The following STK33 variants were observed in gnomAD, a reference collection of about 807,000 sequenced individuals.
STK33 encodes serine/threonine-protein kinase 33.
Under a neutral mutation model 58.0 loss-of-function variants are expected in STK33, and 52 were observed. The ratio of observed to expected loss-of-function variants is 0.90; its 90% CI spans 0.72 to 1.13. The LOEUF (loss-of-function observed/expected upper bound fraction) is 1.13. Among genes scored for constraint, STK33 ranks in the 50% most tolerant of loss-of-function variants. STK33 has a pLI of 0.00. For missense variants in STK33, 630 were observed against 604.2 expected (o/e 1.04, Z -0.45); for synonymous variants, 215 against 200.1 (o/e 1.07, Z -0.63).
the STK33 span, among the ~76,000 whole-genome samples, chr11:8,369,295 CTGTGTGTGTGTG>C: frequency 5.6e-3 from 765 of 137,744 alleles, 2 homozygotes; most frequent in African/African-American, 0.011. Flanking sequence ...GGTTTTTACT[CTGTGTGTGTGTG>C]TGTGTGTGTG....
intron 10 of STK33, 126 bp from the exon 11 acceptor site, chr11:8,453,032 T>C (rs1946470946): frequency 1.3e-6 from 1 of 797,578 alleles, no homozygotes; most frequent in African/African-American, 1.7e-5. Context: ...GGACTTTAAT[T>C]GAATCATTAA....
chr11:8,587,540 G>A (rs111626881), intron 1 of STK33, among the ~76,000 whole-genome samples: 32 of 150,140 alleles, frequency 2.1e-4, no homozygotes, highest in African/African-American at 7.1e-4. Flanking sequence ...AACAAGCCAC[G>A]GCTCAACTGG....
chr11:8,343,002 G>A, the STK33 span, among the ~76,000 whole-genome samples: 1 of 152,232 alleles, frequency 6.6e-6, no homozygotes, highest in Non-Finnish European at 1.5e-5. Flanking sequence ...GCAGGCATTT[G>A]CATCCACTGA....
At chr11:8,387,583 G>A (rs1370182314), downstream of STK33, among the ~76,000 whole-genome samples, 1 of 152,204 alleles carries the variant, frequency 6.6e-6, no homozygotes, top group African/African-American at 2.4e-5. Flanking sequence ...CTCTGTAACT[G>A]TTGCTGCTGT....
At chr11:8,489,272 G>GAAAAAAAAAAAAAAAAAAAAAAAAAAAA (rs60919146) in intron 1 of STK33, among the ~76,000 whole-genome samples, 4 of 126,566 alleles carry the variant, frequency 3.2e-5, no homozygotes, top group Admixed American at 8.6e-5. Flanking sequence ...AAAAAAAAAA[G>GAAAAAAAAAAAAAAAAAAAAAAAAAAAA]AAAAAAAAAA....
At chr11:8,523,764 C>G (rs913882108) in intron 1 of STK33, among the ~76,000 whole-genome samples, 1 of 151,796 alleles carries the variant, frequency 6.6e-6, no homozygotes, top group Non-Finnish European at 1.5e-5. Flanking sequence ...GCCCGGCCGC[C>G]GCGTCTGGGA....
chr11:8,549,116 T>C (rs1956136781), intron 1 of STK33, among the ~76,000 whole-genome samples: 1 of 152,208 alleles, frequency 6.6e-6, no homozygotes, highest in African/African-American at 2.4e-5. Flanking sequence ...TTTGGTCATA[T>C]ATGGTCTTTA....
At chr11:8,454,971 T>C (rs1023537743) in intron 9 of STK33, 139 bp from the exon 10 acceptor site, 13 of 862,306 alleles carry the variant, frequency 1.5e-5, no homozygotes, top group Middle Eastern at 3.9e-4. Flanking sequence ...TCCTGTTCTA[T>C]TCTCTCATTT....
At chr11:8,471,502 G>C (rs547296355) in intron 6 of STK33, among the ~76,000 whole-genome samples, 1 of 152,156 alleles carries the variant, frequency 6.6e-6, no homozygotes, top group South Asian at 2.1e-4. Flanking sequence ...ATGTGTGTGT[G>C]AGGAGGTGCT....
At chr11:8,422,028 C>G (rs1221717806) in intron 14 of STK33, among the ~76,000 whole-genome samples, 1 of 152,018 alleles carries the variant, frequency 6.6e-6, no homozygotes, top group Non-Finnish European at 1.5e-5. Flanking sequence ...CTTCAGTTGA[C>G]TAAGATCAGC....
At chr11:8,490,762 G>A (rs994234565) in intron 1 of STK33, among the ~76,000 whole-genome samples, 1 of 152,158 alleles carries the variant, frequency 6.6e-6, no homozygotes, top group African/African-American at 2.4e-5. Context: ...AATCTTTGTT[G>A]TTCTGCAGCC....
At chr11:8,524,619 G>A (rs1297622645) in intron 1 of STK33, among the ~76,000 whole-genome samples, 1 of 152,034 alleles carries the variant, frequency 6.6e-6, no homozygotes, top group Non-Finnish European at 1.5e-5. Context: ...TTTTTATTCA[G>A]AAGTTTGATA....
At chr11:8,529,496 T>A (rs1333901574) in intron 1 of STK33, among the ~76,000 whole-genome samples, 1 of 152,104 alleles carries the variant, frequency 6.6e-6, no homozygotes, top group Non-Finnish European at 1.5e-5. Flanking sequence ...CTGGTAGACA[T>A]AATAATGCCT....
intron 14 of STK33, among the ~76,000 whole-genome samples, chr11:8,420,789 G>C (rs781298106): frequency 1.3e-5 from 2 of 152,240 alleles, no homozygotes; most frequent in East Asian, 3.9e-4. Context: ...TTGAGCTCAG[G>C]AGTTCGAGAC....
chr11:8,396,361 G>C (rs558095695), intron 15 of STK33, among the ~76,000 whole-genome samples: 2 of 152,200 alleles, frequency 1.3e-5, no homozygotes, highest in Non-Finnish European at 2.9e-5. Context: ...ATATGGGTTT[G>C]TCTTGTAAAA....
chr11:8,579,294 G>A (rs916660160), intron 1 of STK33, among the ~76,000 whole-genome samples: 4 of 151,934 alleles, frequency 2.6e-5, no homozygotes, highest in Admixed American at 2.6e-4. Flanking sequence ...CTATATATAG[G>A]CATATCTACA....
At chr11:8,491,364 T>C (rs1950596369) in intron 1 of STK33, among the ~76,000 whole-genome samples, 2 of 152,018 alleles carry the variant, frequency 1.3e-5, no homozygotes, top group African/African-American at 4.8e-5. Flanking sequence ...ATCAAATGAA[T>C]GAAATAAAGC....
At position 8,475,015 on chromosome 11, in the gene STK33, T is replaced by C. The variant is rs1362495660; in HGVS notation, c.-110A>G. 4 of 983,084 alleles carry C rather than the reference T, an allele frequency of 4.1e-6. No individual in the cohort carries two copies. In the African/African-American group the frequency reaches 4.9e-5, roughly 12 times the overall value. The allele number at this position is 983,084 out of a possible 1,614,324, so 60.9% of individuals were successfully genotyped here. A position where few individuals can be genotyped will look rare whatever the true frequency, so the allele number is the denominator to read the frequency against. ...GATGGTGAAAACTGTAATTTCGAAC[T>C]GGTGAAGTCCTCAGGTTAAGGATGC... On this transcript the variant is annotated 5_prime_UTR_variant, in exon 5 of 16. Transcript: ENST00000687296.
Position 8,458,421 on chromosome 11 carries a change from TAAA to T in STK33, c.559-945_559-943del, listed in dbSNP as rs34675150. ...TGCAGAAACTTAGCTTATGGGCCAT[TAAA>T]AAAAAAAAAAAACAGGTAGCAGGCC... On this transcript the variant is annotated intron_variant, in intron 8 of 15. Coordinates refer to ENST00000687296, the MANE Select transcript of STK33 (RefSeq NM_001352389.2). Among the ~76,000 whole-genome samples, 97 of 143,884 alleles carry T rather than the reference TAAA, an allele frequency of 6.7e-4. No individual in the cohort carries two copies. The Middle Eastern group carries it at 0.011, about 16-fold the overall frequency. The allele number at this position is 143,884 out of a possible 152,430, so 94.4% of individuals were successfully genotyped here. A position where few individuals can be genotyped will look rare whatever the true frequency, so the allele number is the denominator to read the frequency against.
Sources: allele counts gnomAD v4.1 joint callset (sites outside exome capture counted in the v4.1 genomes callset), GRCh38; gene constraint gnomAD v4.1.1; transcripts MANE v1.5; gene names NCBI Gene and HGNC (gene_info 2026-07-23, HGNC 2026-07-21).